Variants in ARMH4 observed in about 807,000 individuals in gnomAD.
ARMH4 encodes the protein armadillo like helical domain containing 4.
ARMH4 carries 49 observed loss-of-function variants against 61.9 expected under a neutral mutation model. The ratio of observed to expected loss-of-function variants is 0.79; its 90% CI spans 0.63 to 1.00. The LOEUF (loss-of-function observed/expected upper bound fraction) is 1.00. ARMH4 is among the 50% of genes least tolerant of loss of function. The probability of loss-of-function intolerance (pLI) is 0.00; values close to 1 mark genes in which losing one functional copy is unlikely to be tolerated. For missense variants in ARMH4, 934 were observed against 930.0 expected (o/e 1.00, Z -0.06); for synonymous variants, 368 against 341.5 (o/e 1.08, Z -0.85).
Position 58,032,919 on chromosome 14 carries a change from T to G in ARMH4, c.2090-20769A>C, listed in dbSNP as rs181035620. Among the ~76,000 whole-genome samples the G allele has an allele frequency of 5.2e-3, 792 of 151,190 alleles. 7 individuals are homozygous for G. Among genetic ancestry groups the G allele is most frequent in the African/African-American group, 0.017 (719 of 41,178 alleles). On this transcript the variant is annotated intron_variant, in intron 5 of 7. Transcript: ENST00000267485. ...GGGTCCTACGCCCACGGAATCTCGC[T>G]GATTGCTAGCACAGCAGTCTAAGAT...
At chr14:58,031,836 T>C (rs1483531932) in intron 5 of ARMH4, among the ~76,000 whole-genome samples, 2 of 152,162 alleles carry the variant, frequency 1.3e-5, no homozygotes, top group Non-Finnish European at 2.9e-5. Flanking sequence ...CCACGCCACC[T>C]TCATTTTCAC....
chr14:58,092,760 T>C (rs1487068606), intron 5 of ARMH4, among the ~76,000 whole-genome samples: 2 of 151,980 alleles, frequency 1.3e-5, no homozygotes, highest in East Asian at 3.9e-4. Flanking sequence ...GTAATTATAA[T>C]GAGCCCACCC....
At chr14:58,098,051 C>T (rs989800795) in intron 4 of ARMH4, among the ~76,000 whole-genome samples, 1 of 152,116 alleles carries the variant, frequency 6.6e-6, no homozygotes, top group African/African-American at 2.4e-5. Flanking sequence ...CTTCCCTTTG[C>T]TCTCTCCCCT....
In ARMH4 at chr14:58,056,042, A is replaced by C. The variant is rs540738083; in HGVS notation, c.2089+40682T>G. ...CGTAGAGGTGAGAATATTTCCTTTTAATGTGTATTAAATTGACCTTGCAGA... is the reference window on the plus strand; with the variant it reads ...CGTAGAGGTGAGAATATTTCCTTTTCATGTGTATTAAATTGACCTTGCAGA... On this transcript the variant is annotated intron_variant, in intron 5 of 7. Coordinates refer to ENST00000267485, the MANE Select transcript of ARMH4 (RefSeq NM_001001872.4). Among the ~76,000 whole-genome samples, 6 of 152,340 alleles carry C rather than the reference A, an allele frequency of 3.9e-5. No homozygotes were observed. In the East Asian group the frequency reaches 1.2e-3, roughly 29 times the overall value.
intron 4 of ARMH4, among the ~76,000 whole-genome samples, chr14:58,113,966 T>A (rs1171496285): frequency 9.2e-5 from 14 of 152,168 alleles, no homozygotes; most frequent in African/African-American, 3.1e-4. Context: ...TTATTTTATA[T>A]CTATGTCTGG....
chr14:58,038,327 T>C (rs1018091294), intron 5 of ARMH4, among the ~76,000 whole-genome samples: 1 of 102,156 alleles, frequency 9.8e-6, no homozygotes, highest in Non-Finnish European at 2.0e-5. Context: ...CCGCATATTC[T>C]CACTCATAGG....
chr14:58,135,996 C>G (rs1484522090), intron 2 of ARMH4, among the ~76,000 whole-genome samples: 1 of 151,722 alleles, frequency 6.6e-6, no homozygotes, highest in African/African-American at 2.4e-5. Flanking sequence ...CCTCTTGGTA[C>G]AAAGAACATT....
intron 5 of ARMH4, among the ~76,000 whole-genome samples, chr14:58,082,933 A>T (rs151145450): frequency 4.4e-4 from 67 of 152,272 alleles, no homozygotes; most frequent in African/African-American, 1.6e-3. Flanking sequence ...CATAATTTGA[A>T]ATGGAAGAAA....
intron 5 of ARMH4, among the ~76,000 whole-genome samples, chr14:58,072,128 C>CA (rs1235456487): frequency 6.6e-6 from 1 of 152,136 alleles, no homozygotes; most frequent in Non-Finnish European, 1.5e-5. Context: ...GAGTAAGCTC[C>CA]AAAAAGCCAG....
At position 58,131,680 on chromosome 14, in the gene ARMH4, G is replaced by C; in HGVS notation, c.1663C>G (p.Pro555Ala). ...TVTGPNEEFT[P>A]VLGSPVTPPG... ...GGTGTCACTGGAGATCCCAGAACTG[G>C]TGTGAACTCCTCATTTGGCCCTGTG... is the stretch of plus-strand genomic sequence containing the variant. The change falls in exon 4 of 8, where the codon CCA (proline) becomes GCA (alanine). Residue 555 changes from proline (P) to alanine (A), a missense_variant. Coordinates refer to ENST00000267485, the MANE Select transcript of ARMH4 (RefSeq NM_001001872.4). The C allele has an allele frequency of 6.2e-7, 1 of 1,613,626 alleles. No homozygotes were observed. The highest frequency in any genetic ancestry group is 8.5e-7 in the Non-Finnish European group (1 of 1,180,030).
intron 5 of ARMH4, among the ~76,000 whole-genome samples, chr14:58,067,904 AAAGAAGAGAAAGAACAAG>A (rs1447338158): frequency 6.6e-6 from 1 of 152,194 alleles, no homozygotes; most frequent in Admixed American, 6.5e-5. Flanking sequence ...CATGTAAGGA[AAAGAAGAGAAAGAACAAG>A]TGAAAGAGAG....
At chr14:58,060,619 T>A (rs1379787166) in intron 5 of ARMH4, among the ~76,000 whole-genome samples, 1 of 152,168 alleles carries the variant, frequency 6.6e-6, no homozygotes, top group Non-Finnish European at 1.5e-5. Context: ...CTCCCCAAAC[T>A]GTGCCCATCG....
At chr14:58,103,790 T>G (rs1886080550) in intron 4 of ARMH4, among the ~76,000 whole-genome samples, 1 of 152,150 alleles carries the variant, frequency 6.6e-6, no homozygotes, top group African/African-American at 2.4e-5. Context: ...AAATTAATTT[T>G]AGTGTCCTTT....
intron 5 of ARMH4, among the ~76,000 whole-genome samples, chr14:58,038,558 A>AT (rs1421521043): frequency 1.5e-5 from 2 of 136,804 alleles, no homozygotes; most frequent in East Asian, 6.8e-4. Context: ...ATAATAAAAA[A>AT]AAATTAAAAA....
At chr14:58,048,084 T>C (rs553803655) in intron 5 of ARMH4, among the ~76,000 whole-genome samples, 1 of 152,254 alleles carries the variant, frequency 6.6e-6, no homozygotes, top group South Asian at 2.1e-4. Context: ...AGTGGAATCC[T>C]GCAAAAAGGA....
rs1886426656 is a variant in ARMH4 at position 58,113,731 on chromosome 14, T to C, written c.1832-16750A>G. The stretch of plus-strand genomic sequence containing the variant: ...TCTTTGTGCTACACTCTCTATAATG[T>C]CTTCAAATTGATCTTCCAGTTCATT... On this transcript the variant is annotated intron_variant, in intron 4 of 7. Coordinates refer to ENST00000267485, the MANE Select transcript of ARMH4 (RefSeq NM_001001872.4). Among the ~76,000 whole-genome samples, 3 of 152,216 alleles carry C rather than the reference T, an allele frequency of 2.0e-5. No individual in the cohort carries two copies. The South Asian group carries it at 6.2e-4, about 32-fold the overall frequency.
intron 5 of ARMH4, among the ~76,000 whole-genome samples, chr14:58,038,563 T>TA (rs71107906): frequency 0.25 from 34,379 of 135,140 alleles, 4,293 homozygotes; most frequent in East Asian, 0.56. Context: ...AAAAAAAAAT[T>TA]AAAAAAAAAA....
intron 4 of ARMH4, among the ~76,000 whole-genome samples, chr14:58,103,797 C>T (rs1886080803): frequency 6.6e-6 from 1 of 151,992 alleles, no homozygotes; most frequent in South Asian, 2.1e-4. Context: ...TTTTAGTGTC[C>T]TTTGCTCCCC....
At chr14:58,143,139 A>G (rs1887620224) in intron 1 of ARMH4, among the ~76,000 whole-genome samples, 1 of 152,192 alleles carries the variant, frequency 6.6e-6, no homozygotes, top group Admixed American at 6.5e-5. Context: ...TAAAATAACA[A>G]ATATTTATTG....
Sources: allele counts gnomAD v4.1 joint callset (sites outside exome capture counted in the v4.1 genomes callset), GRCh38; gene constraint gnomAD v4.1.1; transcripts MANE v1.5; gene names NCBI Gene and HGNC (gene_info 2026-07-23, HGNC 2026-07-21).